The following ACTR3C variants were observed in gnomAD, a reference collection of about 807,000 sequenced individuals.
ACTR3C encodes actin-related protein 3C.
A neutral mutation model predicts 26.3 loss-of-function variants in ACTR3C; 18 were observed. The ratio of observed to expected loss-of-function variants is 0.68; its 90% CI spans 0.47 to 1.01. The LOEUF (loss-of-function observed/expected upper bound fraction) is 1.01. Among genes scored for constraint, ACTR3C ranks in the 50% least tolerant of loss-of-function variants. The pLI, the probability that ACTR3C is intolerant of heterozygous loss-of-function variation, is 0.00. For synonymous variants in ACTR3C, 55 were observed against 94.5 expected, an observed-to-expected ratio of 0.58 and a Z score of 2.42; for missense variants, 184 against 250.7, an observed-to-expected ratio of 0.73 and a Z score of 1.80.
chr7:149,924,987 T>G, the ACTR3C span, among the ~76,000 whole-genome samples: 2 of 152,102 alleles, frequency 1.3e-5, no homozygotes, highest in African/African-American at 4.8e-5. Flanking sequence ...TTTATACAAA[T>G]AATGTGAGCA....
the ACTR3C span, among the ~76,000 whole-genome samples, chr7:150,016,113 C>T: frequency 1.3e-5 from 2 of 152,110 alleles, no homozygotes; most frequent in African/African-American, 2.4e-5. Context: ...GGCCTCACTA[C>T]AGGGCCTTTG....
chr7:150,035,368 C>G, the ACTR3C span, among the ~76,000 whole-genome samples: 1,465 of 22,464 alleles, frequency 0.065, 298 homozygotes, highest in Admixed American at 0.071. Flanking sequence ...CCCTCGCGGG[C>G]GGTGCCTCCC....
At chr7:150,115,181 A>G in the ACTR3C span, among the ~76,000 whole-genome samples, 1 of 152,224 alleles carries the variant, frequency 6.6e-6, no homozygotes, top group African/African-American at 2.4e-5. Flanking sequence ...GATTTACTCA[A>G]TGCCTGTCAA....
the ACTR3C span, among the ~76,000 whole-genome samples, chr7:150,237,826 T>C: frequency 6.6e-6 from 1 of 151,210 alleles, no homozygotes; most frequent in South Asian, 2.1e-4. Context: ...CCCAAGCATA[T>C]TTCCTTCCAC....
chr7:150,036,751 T>C, the ACTR3C span, among the ~76,000 whole-genome samples: 10 of 137,794 alleles, frequency 7.3e-5, no homozygotes, highest in South Asian at 2.2e-4. Flanking sequence ...GTAAATCCCA[T>C]GTAAGGTATC....
chr7:149,959,875 G>A, the ACTR3C span, among the ~76,000 whole-genome samples: 1 of 152,188 alleles, frequency 6.6e-6, no homozygotes, highest in African/African-American at 2.4e-5. Flanking sequence ...GACATACACT[G>A]TGGTAAGACA....
the ACTR3C span, among the ~76,000 whole-genome samples, chr7:150,062,560 T>A: frequency 6.6e-6 from 1 of 151,192 alleles, no homozygotes; most frequent in African/African-American, 2.5e-5. Flanking sequence ...AGTAACAAAA[T>A]CATGGTAGGC....
At chr7:150,205,408 G>A in the ACTR3C span, among the ~76,000 whole-genome samples, 6 of 152,132 alleles carry the variant, frequency 3.9e-5, no homozygotes, top group Non-Finnish European at 7.4e-5. Context: ...AATGTATTAT[G>A]GATGTAACCT....
Position 150,289,438 on chromosome 7 carries a change from A to C in ACTR3C, c.297+12T>G. ...TCACCCCCAAACCAGCCGGTTTCCC[A>C]TCTGTTTTTACCTTAATGGCTTTTG... On this transcript the variant is annotated intron_variant, in intron 4 of 7. Transcript: ENST00000683684. The C allele has an allele frequency of 6.4e-7, 1 of 1,569,390 alleles. No individual in the cohort carries two copies. Among genetic ancestry groups the C allele is most frequent in the Non-Finnish European group, 8.6e-7 (1 of 1,161,120 alleles).
chr7:150,014,024 G>A, the ACTR3C span, among the ~76,000 whole-genome samples: 4 of 152,112 alleles, frequency 2.6e-5, no homozygotes, highest in African/African-American at 9.7e-5. Context: ...TGCAAGGAGG[G>A]CTTCCATGGG....
the ACTR3C span, among the ~76,000 whole-genome samples, chr7:149,912,548 TAGAGAGTGCAGTGGCGCGATC>T: frequency 6.6e-6 from 1 of 150,524 alleles, no homozygotes; most frequent in East Asian, 2.0e-4. Flanking sequence ...TCGAGCAGGC[TAGAGAGTGCAGTGGCGCGATC>T]TCGGCTCACT....
chr7:150,309,018 G>C (rs1052457331), intron 1 of ACTR3C, among the ~76,000 whole-genome samples: 5 of 152,100 alleles, frequency 3.3e-5, no homozygotes, highest in South Asian at 2.1e-4. Context: ...CCAGATGAGC[G>C]GGAAAGAGTT....
chr7:150,024,902 A>G, the ACTR3C span, among the ~76,000 whole-genome samples: 3 of 151,510 alleles, frequency 2.0e-5, no homozygotes, highest in African/African-American at 7.3e-5. Context: ...CCTGTCTATT[A>G]TTGAGAAGTC....
At chr7:150,151,369 C>T in the ACTR3C span, among the ~76,000 whole-genome samples, 10 of 138,106 alleles carry the variant, frequency 7.2e-5, no homozygotes, top group African/African-American at 2.5e-4. Flanking sequence ...GTGGTATTCT[C>T]TTAATTTATA....
the ACTR3C span, among the ~76,000 whole-genome samples, chr7:149,975,160 AT>A: frequency 1.3e-5 from 2 of 152,348 alleles, no homozygotes; most frequent in Admixed American, 1.3e-4. Flanking sequence ...ACAAGTCTTC[AT>A]AATTTTTAAA....
chr7:150,232,085 C>CT, the ACTR3C span, among the ~76,000 whole-genome samples: 1 of 152,088 alleles, frequency 6.6e-6, no homozygotes, highest in Admixed American at 6.6e-5. Context: ...AGATTGTTGT[C>CT]TTTTTTGAGA....
chr7:150,098,100 C>T, the ACTR3C span, among the ~76,000 whole-genome samples: 2 of 151,530 alleles, frequency 1.3e-5, no homozygotes, highest in Non-Finnish European at 2.9e-5. Context: ...TATCTGCACT[C>T]ACTGAAAAAT....
At chr7:150,085,505 G>A in the ACTR3C span, among the ~76,000 whole-genome samples, 1 of 152,168 alleles carries the variant, frequency 6.6e-6, no homozygotes, top group African/African-American at 2.4e-5. Context: ...AAAGTGGTGA[G>A]GAGAGAGGAG....
the ACTR3C span, among the ~76,000 whole-genome samples, chr7:150,129,724 C>G: frequency 2.0e-5 from 3 of 152,024 alleles, no homozygotes; most frequent in African/African-American, 7.2e-5. Context: ...GAGATCTACA[C>G]TCAAATACAC....
Sources: allele counts gnomAD v4.1 joint callset (sites outside exome capture counted in the v4.1 genomes callset), GRCh38; gene constraint gnomAD v4.1.1; transcripts MANE v1.5; gene names NCBI Gene and HGNC (gene_info 2026-07-23, HGNC 2026-07-21).